Variants in HGF observed in about 807,000 individuals in gnomAD.
The protein encoded by HGF is fibroblast-derived tumor cytotoxic factor.
HGF carries 39 observed loss-of-function variants against 111.6 expected under a neutral mutation model. The observed-to-expected ratio is 0.35, with a 90% CI of 0.27 to 0.46. The LOEUF is 0.46. HGF is among the 20% of genes least tolerant of loss of function. The pLI, the probability that HGF is intolerant of heterozygous loss-of-function variation, is 1.00. For synonymous variants in HGF, 285 were observed against 294.8 expected (o/e 0.97, Z 0.34); for missense variants, 735 against 910.5 (o/e 0.81, Z 2.48).
chr7:81,751,928 T>C, intron 5 of HGF, 192 bp downstream of exon 5: 1 of 1,408,360 alleles, frequency 7.1e-7, no homozygotes, highest in African/African-American at 1.4e-5. Flanking sequence ...CTCTGTTATT[T>C]TGCATTAATC....
chr7:81,747,856 C>T (rs1468720464), intron 5 of HGF, among the ~76,000 whole-genome samples: 1 of 152,046 alleles, frequency 6.6e-6, no homozygotes, highest in Admixed American at 6.5e-5. Flanking sequence ...TTGCTTGAAC[C>T]CAGGAGGTGG....
chr7:81,718,432 A>C (rs1789770147), intron 10 of HGF, among the ~76,000 whole-genome samples: 1 of 152,050 alleles, frequency 6.6e-6, no homozygotes, highest in Non-Finnish European at 1.5e-5. Flanking sequence ...TGCAAACACT[A>C]GAGCTGGGGT....
At chr7:81,734,214 C>G (rs1233615973) in intron 7 of HGF, among the ~76,000 whole-genome samples, 1 of 152,110 alleles carries the variant, frequency 6.6e-6, no homozygotes, top group Non-Finnish European at 1.5e-5. Context: ...ATATCTGGAA[C>G]TCTTCTGAGA....
intron 2 of HGF, 98 bp downstream of exon 2, chr7:81,762,609 G>T: frequency 1.1e-6 from 1 of 950,124 alleles, no homozygotes; most frequent in South Asian, 1.3e-5. Context: ...ACAATTTTAT[G>T]ATCAAATCAC....
At chr7:81,744,005 G>A (rs1419108745) in intron 6 of HGF, among the ~76,000 whole-genome samples, 3 of 152,130 alleles carry the variant, frequency 2.0e-5, no homozygotes, top group Non-Finnish European at 4.4e-5. Flanking sequence ...TCCTGAATTG[G>A]TGACTTGATT....
At chr7:81,733,309 A>G (rs910693757) in intron 7 of HGF, among the ~76,000 whole-genome samples, 13 of 151,926 alleles carry the variant, frequency 8.6e-5, no homozygotes, top group African/African-American at 2.9e-4. Flanking sequence ...TAATACAAAT[A>G]TAATATTTTA....
At chr7:81,722,189 C>T (rs1163486759) in intron 9 of HGF, among the ~76,000 whole-genome samples, 1 of 151,964 alleles carries the variant, frequency 6.6e-6, no homozygotes, top group African/African-American at 2.4e-5. Context: ...CCAATGGAAG[C>T]CACTTTAAAC....
chr7:81,760,739 A>G (rs552200719), intron 2 of HGF, among the ~76,000 whole-genome samples: 1 of 147,314 alleles, frequency 6.8e-6, no homozygotes, highest in Admixed American at 6.8e-5. Flanking sequence ...GGAGGATTTT[A>G]CCATTTCTGG....
At chr7:81,734,946 C>T (rs942576556) in intron 7 of HGF, among the ~76,000 whole-genome samples, 1 of 152,034 alleles carries the variant, frequency 6.6e-6, no homozygotes, top group African/African-American at 2.4e-5. Flanking sequence ...TAGACAAATA[C>T]CCGATAACCT....
intron 11 of HGF, among the ~76,000 whole-genome samples, chr7:81,715,698 G>A (rs1359724973): frequency 3.3e-5 from 5 of 151,980 alleles, no homozygotes; most frequent in Admixed American, 6.6e-5. Flanking sequence ...CATGACTGCT[G>A]TTTCCATTTA....
At chr7:81,713,213 A>G (rs1331364757) in intron 11 of HGF, among the ~76,000 whole-genome samples, 2 of 152,270 alleles carry the variant, frequency 1.3e-5, no homozygotes, top group Admixed American at 1.3e-4. Flanking sequence ...ATCTTACAAT[A>G]TATTTAGTTT....
rs1789958544 is a variant in HGF at position 81,724,650 on chromosome 7, G to A, written c.1168+1240C>T. On this transcript the variant is annotated intron_variant, in intron 9 of 17. Transcript: ENST00000222390. ...TGTAAATTGTGTGTCACCGGGGTTG[G>A]GTGCATAGATTATTTTGCATGCATA... Among the ~76,000 whole-genome samples, 3 of 151,986 alleles carry A rather than the reference G, an allele frequency of 2.0e-5. No individual in the cohort carries two copies. In the South Asian group the frequency reaches 6.2e-4, roughly 31 times the overall value.
At chr7:81,720,263 T>C (rs1444455074) in intron 10 of HGF, among the ~76,000 whole-genome samples, 1 of 152,184 alleles carries the variant, frequency 6.6e-6, no homozygotes, top group Admixed American at 6.6e-5. Flanking sequence ...ATAGTTAAGG[T>C]TTAGTATTTT....
intron 11 of HGF, among the ~76,000 whole-genome samples, chr7:81,716,342 A>G (rs1241459594): frequency 6.6e-6 from 1 of 152,160 alleles, no homozygotes; most frequent in East Asian, 1.9e-4. Context: ...GATACATTTT[A>G]TCAAACTAAC....
At chr7:81,734,072 C>A (rs538002012) in intron 7 of HGF, among the ~76,000 whole-genome samples, 1 of 152,164 alleles carries the variant, frequency 6.6e-6, no homozygotes, top group South Asian at 2.1e-4. Context: ...ACTAAAATGT[C>A]AGAAAACACA....
intron 10 of HGF, among the ~76,000 whole-genome samples, chr7:81,718,731 C>T (rs1421516087): frequency 6.6e-6 from 1 of 152,100 alleles, no homozygotes; most frequent in African/African-American, 2.4e-5. Flanking sequence ...GAGGAATCCT[C>T]GTCTGAAGTT....
intron 17 of HGF, among the ~76,000 whole-genome samples, chr7:81,703,426 G>A (rs996707858): frequency 2.0e-5 from 3 of 150,830 alleles, no homozygotes; most frequent in Non-Finnish European, 3.0e-5. Flanking sequence ...TTTCTGTAGC[G>A]TGTCCTGTGA....
intron 4 of HGF, among the ~76,000 whole-genome samples, chr7:81,754,727 T>G (rs552711422): frequency 4.0e-4 from 60 of 149,106 alleles, no homozygotes; most frequent in African/African-American, 5.5e-4. Context: ...AAATTAACTG[T>G]TTTTTTTTGT....
chr7:81,748,359 A>G (rs1041697517), intron 5 of HGF, among the ~76,000 whole-genome samples: 3 of 152,164 alleles, frequency 2.0e-5, no homozygotes, highest in Non-Finnish European at 4.4e-5. Context: ...ACTAGATTGG[A>G]CACCTTATCC....
Sources: allele counts gnomAD v4.1 joint callset (sites outside exome capture counted in the v4.1 genomes callset), GRCh38; gene constraint gnomAD v4.1.1; transcripts MANE v1.5; gene names NCBI Gene and HGNC (gene_info 2026-07-23, HGNC 2026-07-21).